TP53TG5: variants seen among roughly 807,000 people sequenced by gnomAD.
The protein encoded by TP53TG5 is TP53 target 5, also known as TP53-target gene 5 protein.
Under a neutral mutation model 30.0 loss-of-function variants are expected in TP53TG5, and 17 were observed. The observed-to-expected ratio is 0.57, with a 90% confidence interval of 0.39 to 0.85. The LOEUF (loss-of-function observed/expected upper bound fraction) is 0.85, where lower values mean the gene tolerates loss of function less well. Ranked by LOEUF, TP53TG5 falls within the 40% of genes least tolerant of loss-of-function variation. The pLI is 0.00. For synonymous variants in TP53TG5, 137 were observed against 139.2 expected (o/e 0.98, Z 0.11); for missense variants, 338 against 367.9 (o/e 0.92, Z 0.67).
intron 1 of TP53TG5, 26 bp from the exon 2 acceptor site, chr20:45,377,639 A>G (rs375024376): frequency 2.5e-5 from 41 of 1,610,200 alleles, no homozygotes; most frequent in Non-Finnish European, 3.2e-5. Flanking sequence ...TAAGAGAGAC[A>G]TAAACCCAGA....
chr20:45,373,855 A>C lies in TP53TG5; in HGVS notation c.*52T>G. 1 of 1,559,150 alleles carries C rather than the reference A, an allele frequency of 6.4e-7. No individual in the cohort carries two copies. Among genetic ancestry groups the C allele is most frequent in the South Asian group, 1.1e-5 (1 of 89,978 alleles). ...TCTTTCCTTCATCCTTCCCAGCCCC[A>C]GACAAACAGGCAGAGTAAGCAGTAT... On this transcript the variant is annotated 3_prime_UTR_variant, in exon 5 of 5. Coordinates refer to ENST00000372726, the MANE Select transcript of TP53TG5 (RefSeq NM_014477.3).
intron 3 of TP53TG5, 150 bp from the exon 4 acceptor site, chr20:45,375,702 G>T: frequency 2.2e-6 from 2 of 893,080 alleles, no homozygotes; most frequent in Non-Finnish European, 3.4e-6. Context: ...CCTTGTGCTG[G>T]TGTGAGGAGG....
rs1462412565 is a variant in TP53TG5, at chr20:45,373,678, T to C, written c.*229A>G. The stretch of plus-strand genomic sequence containing the variant: ...CCAGGAAGCACACGAGCGCCCTGAC[T>C]TCACAGAGCGCGCCACTCAGGAGAC... On this transcript the variant is annotated 3_prime_UTR_variant, in exon 5 of 5. Transcript: ENST00000372726. The C allele has an allele frequency of 3.5e-6, 2 of 569,616 alleles. No individual in the cohort carries two copies. The highest frequency in any genetic ancestry group is 6.3e-6 in the Non-Finnish European group (2 of 318,248). The allele number at this position is 569,616 out of a possible 1,614,324, so 35.3% of individuals were successfully genotyped here.
chr20:45,374,286 T>A, intron 4 of TP53TG5: 1 of 698,444 alleles, frequency 1.4e-6, no homozygotes, highest in Non-Finnish European at 2.6e-6. Flanking sequence ...CCTTTCTTTT[T>A]TTTTAAGACA....
intron 3 of TP53TG5, chr20:45,376,177 A>T (rs1210786827): frequency 6.6e-6 from 1 of 152,192 alleles, no homozygotes; most frequent in Non-Finnish European, 1.5e-5. Context: ...CTAGAGGCCA[A>T]ATCAGAAAGA....
rs760559221 is a variant in TP53TG5 at position 45,375,019 on chromosome 20, A to G, written c.768+20T>C. 1 of 1,603,400 alleles carries G rather than the reference A, an allele frequency of 6.2e-7. No homozygotes were observed. The highest frequency in any genetic ancestry group is 8.5e-7 in the Non-Finnish European group (1 of 1,172,546). ...GGGCTTGCATCTCACCTAGCCTGGC[A>G]GTGTTGTTGTCACACCCACCTTGTA... is the stretch of plus-strand genomic sequence containing the variant. On this transcript the variant is annotated intron_variant, in intron 4 of 4. Coordinates refer to ENST00000372726, the MANE Select transcript of TP53TG5 (RefSeq NM_014477.3).
In TP53TG5 at chr20:45,375,134, C is replaced by A; in HGVS notation, c.673G>T (p.Val225Leu). Residue 225 changes from valine to leucine, a missense_variant, in exon 4 of 5, where the codon GTG (valine) becomes TTG (leucine). Coordinates refer to ENST00000372726, the MANE Select transcript of TP53TG5 (RefSeq NM_014477.3). ...PTRIHLPAPR[V>L]MCRSSTLRWV... ...CGCAGGGTGGAGGATCTGCACATCA[C>A]CCTGGGCGCCGGGAGGTGGATTCGT... 1 of 1,614,162 alleles carries A rather than the reference C, an allele frequency of 6.2e-7. No homozygotes were observed. Among genetic ancestry groups the A allele is most frequent in the Non-Finnish European group, 8.5e-7 (1 of 1,180,040 alleles).
intron 4 of TP53TG5, 67 bp downstream of exon 4, chr20:45,374,972 G>A: frequency 6.4e-7 from 1 of 1,553,654 alleles, no homozygotes; most frequent in Non-Finnish European, 8.7e-7. Flanking sequence ...TGACTCTGGG[G>A]CCCAGCTCTG....
chr20:45,374,557 C>T, intron 4 of TP53TG5: 1 of 511,518 alleles, frequency 2.0e-6, no homozygotes, highest in Non-Finnish European at 3.4e-6. Context: ...CAGGCGTGAG[C>T]CACCATGCCT....
At chr20:45,374,447 T>C (rs1002761592) in intron 4 of TP53TG5, 5 of 571,652 alleles carry the variant, frequency 8.7e-6, no homozygotes, top group South Asian at 2.4e-5. Context: ...AATTTTTAAA[T>C]TTTTTGTAGA....
In TP53TG5 at chr20:45,375,036, C is replaced by T; in HGVS notation, c.768+3G>A. Reference sequence around the variant, plus strand: ...AGCCTGGCAGTGTTGTTGTCACACCCACCTTGTATGGATGCCACATAGGCA... The same window carrying T: ...AGCCTGGCAGTGTTGTTGTCACACCTACCTTGTATGGATGCCACATAGGCA... On this transcript the variant is annotated splice_donor_region_variant and intron_variant, in intron 4 of 4. Transcript: ENST00000372726. The T allele has an allele frequency of 6.2e-7, 1 of 1,610,328 alleles. No homozygotes were observed.
rs767583853 is a variant in TP53TG5 at position 45,375,344 on chromosome 20, TA to T, written c.462del (p.His154GlnfsTer2). The T allele has an allele frequency of 1.2e-6, 2 of 1,614,022 alleles. No homozygotes were observed. The highest frequency in any genetic ancestry group is 1.7e-6 in the Non-Finnish European group (2 of 1,180,036). ...GATGTCCTTGGAACCTCAGGCTCTA[TA>T]TGCTTTTCTTTCCGTGGCATTGCCG... ...SLAAMPRKEK[H>X]IEPEVPRTSR... On this transcript the variant is annotated frameshift_variant, in exon 4 of 5. Coordinates refer to ENST00000372726, the MANE Select transcript of TP53TG5 (RefSeq NM_014477.3). LOFTEE classifies it high-confidence loss of function.
At position 45,375,478 on chromosome 20, in the gene TP53TG5, A is replaced by C. The variant is rs758227760; in HGVS notation, c.329T>G (p.Leu110Arg). 1 of 1,613,210 alleles carries C rather than the reference A, an allele frequency of 6.2e-7. No homozygotes were observed. The highest frequency in any genetic ancestry group is 1.1e-5 in the South Asian group (1 of 91,044). The part of the protein sequence containing the change: ...FQEIGCSEKE[L>R]KSKKLESTGD... ...TGTGGACTCTAATTTCTTGGACTTG[A>C]GTTCCTTCTCGGAGCACCCGATCTC... The change falls in exon 4 of 5, where the codon CTC becomes CGC. Residue 110 changes from leucine (L) to arginine (R), a missense_variant. Transcript: ENST00000372726.
rs962923105 is a variant in TP53TG5, at chr20:45,377,396, T to C, written c.124-54A>G. The C allele has an allele frequency of 2.3e-5, 37 of 1,611,906 alleles. No individual in the cohort carries two copies. In the African/African-American group the frequency reaches 4.8e-4, roughly 21 times the overall value. On this transcript the variant is annotated intron_variant, in intron 2 of 4. Coordinates refer to ENST00000372726, the MANE Select transcript of TP53TG5 (RefSeq NM_014477.3). ...GAAGCTTCAGCTTTCCTGGACAGCC[T>C]CCCTCTCCCCTGCCTGCCTCTGGCT...
intron 3 of TP53TG5, 50 bp downstream of exon 3, chr20:45,377,162 C>A: frequency 6.2e-7 from 1 of 1,606,694 alleles, no homozygotes; most frequent in Non-Finnish European, 8.5e-7. Context: ...AATGCCTGTT[C>A]CCAGAAAGAC....
chr20:45,374,079 G>A (rs2145365152), intron 4 of TP53TG5, 68 bp from the exon 5 acceptor site: 1 of 1,470,666 alleles, frequency 6.8e-7, no homozygotes, highest in South Asian at 1.1e-5. Flanking sequence ...TTTGGGGAGC[G>A]GGCGCAGGGA....
At chr20:45,374,890 T>C (rs1441490415) in intron 4 of TP53TG5, 149 bp downstream of exon 4, 21 of 1,091,778 alleles carry the variant, frequency 1.9e-5, no homozygotes, top group Non-Finnish European at 2.6e-5. Context: ...GGCTTCCCCC[T>C]CTCTGGACAT....
intron 3 of TP53TG5, among the ~76,000 whole-genome samples, chr20:45,376,979 A>T (rs1345439620): frequency 6.6e-6 from 1 of 152,182 alleles, no homozygotes; most frequent in Non-Finnish European, 1.5e-5. Flanking sequence ...CTCTAATATC[A>T]GACAGGAATG....
At chr20:45,375,852 G>T in intron 3 of TP53TG5, 1 of 376,704 alleles carries the variant, frequency 2.7e-6, no homozygotes, top group Non-Finnish European at 4.8e-6. Context: ...TCAGCTGGGA[G>T]GGTGAACAGT....
Sources: allele counts gnomAD v4.1 joint callset (sites outside exome capture counted in the v4.1 genomes callset), GRCh38; gene constraint gnomAD v4.1.1; transcripts MANE v1.5; gene names NCBI Gene and HGNC (gene_info 2026-07-23, HGNC 2026-07-21).